Variants in MTERF1 observed in about 807,000 individuals in gnomAD.
The protein encoded by MTERF1 is transcription termination factor 1, mitochondrial.
Under a neutral mutation model 31.6 loss-of-function variants are expected in MTERF1, and 29 were observed. The ratio of observed to expected loss-of-function variants is 0.92; its 90% CI spans 0.68 to 1.25. The LOEUF (loss-of-function observed/expected upper bound fraction) is 1.25, where lower values mean the gene tolerates loss of function less well. Among genes scored for constraint, MTERF1 ranks in the 50% most tolerant of loss-of-function variants. The pLI is 0.00. For missense variants in MTERF1, 500 were observed against 469.1 expected, an observed-to-expected ratio of 1.07 and a Z score of -0.61; for synonymous variants, 152 against 164.1, an observed-to-expected ratio of 0.93 and a Z score of 0.57.
chr7:91,877,254 A>G lies in MTERF1; in HGVS notation c.30-2490T>C, dbSNP rs966950455. 2.0e-5 allele frequency among the ~76,000 whole-genome samples: 3 copies of G among 152,376 alleles called. No individual in the cohort carries two copies. In the East Asian group the frequency reaches 5.8e-4, roughly 29 times the overall value. ...TCATGGTAAACAGGCTGAATAAGCC[A>G]CAGAATGTTCAACAGAAATTCTATT... is the stretch of plus-strand genomic sequence containing the variant. On this transcript the variant is annotated intron_variant, in intron 2 of 2. Transcript: ENST00000351870.
rs1301022852 is a variant in MTERF1, at chr7:91,873,880, C to T, written c.914G>A (p.Cys305Tyr). Residue 305 changes from cysteine to tyrosine, a missense_variant, in exon 3 of 3, where the codon TGT becomes TAT. Transcript: ENST00000351870. ...AAACTTCTGTACCTCTTCTTCAGTA[C>T]ATCCAAGAGAAAACAGCTTCTCTTT... The part of the protein sequence containing the change: ...NIKEKLFSLG[C>Y]TEEEVQKFVL... 6.2e-6 allele frequency: 10 copies of T among 1,614,078 alleles called. No individual in the cohort carries two copies. The highest frequency in any genetic ancestry group is 8.5e-6 in the Non-Finnish European group (10 of 1,180,026).
intron 1 of MTERF1, 114 bp from the exon 2 acceptor site, chr7:91,880,227 C>A: frequency 1.3e-5 from 10 of 767,998 alleles, no homozygotes; most frequent in East Asian, 5.4e-5. Flanking sequence ...TCGTGAGATG[C>A]ATTACCTCTT....
rs1454069409 is a variant in MTERF1 at position 91,873,348 on chromosome 7, G to A, written c.*246C>T. 2 of 350,484 alleles carry A rather than the reference G, an allele frequency of 5.7e-6. No individual in the cohort carries two copies. Among genetic ancestry groups the A allele is most frequent in the African/African-American group, 4.3e-5 (2 of 47,056 alleles). 21.7% of individuals were successfully genotyped at this position (350,484 alleles called of 1,614,324 possible). A position where few individuals can be genotyped will look rare whatever the true frequency, so the allele number is the denominator to read the frequency against. The stretch of plus-strand genomic sequence containing the variant: ...GCTCAAGGTGTCTTCCTCCTTCAAA[G>A]CCACCTTTTAACTTCCTTCAAAAGT... On this transcript the variant is annotated 3_prime_UTR_variant, in exon 3 of 3. Coordinates refer to ENST00000351870, the MANE Select transcript of MTERF1 (RefSeq NM_006980.5).
At position 91,874,005 on chromosome 7, in the gene MTERF1, G is replaced by A. The variant is rs972977980; in HGVS notation, c.789C>T (p.Phe263=). 26 of 1,613,916 alleles carry A rather than the reference G, an allele frequency of 1.6e-5. No individual in the cohort carries two copies. Among genetic ancestry groups the A allele is most frequent in the Non-Finnish European group, 2.1e-5 (25 of 1,180,032 alleles). Residue 263 remains phenylalanine (F), a synonymous_variant, in exon 3 of 3, where the codon TTC becomes TTT. Transcript: ENST00000351870. ...CCAGCAGTTCCTCACTGTTCAAATT[G>A]AAAGTTGACCGTAAGAATTCAATGT... is the stretch of plus-strand genomic sequence containing the variant. ...KANIEFLRST[F]NLNSEELLVL... is the part of the protein sequence containing the mutation.
Position 91,874,592 on chromosome 7 carries a change from C to T in MTERF1, c.202G>A (p.Glu68Lys). 1 of 1,614,046 alleles carries T rather than the reference C, an allele frequency of 6.2e-7. No individual in the cohort carries two copies. Among genetic ancestry groups the T allele is most frequent in the South Asian group, 1.1e-5 (1 of 91,076 alleles). Reference sequence around the variant, plus strand: ...AGTAGGTCCTCATTTTTCAAAGGCTCACTGTCTGTATTATGACACTTCACA... The same window carrying T: ...AGTAGGTCCTCATTTTTCAAAGGCTTACTGTCTGTATTATGACACTTCACA... ...FGVKCHNTDSEPLKNEDLLKN... is the reference protein window; with the variant it reads ...FGVKCHNTDSKPLKNEDLLKN... Residue 68 changes from glutamate (E) to lysine (K), a missense_variant, in exon 3 of 3, where the codon GAG becomes AAG. Transcript: ENST00000351870.
In MTERF1 at chr7:91,873,861, C is replaced by T; in HGVS notation, c.933G>A (p.Gln311=). 1 of 1,614,122 alleles carries T rather than the reference C, an allele frequency of 6.2e-7. No homozygotes were observed. Among genetic ancestry groups the T allele is most frequent in the African/African-American group, 1.3e-5 (1 of 75,042 alleles). The change falls in exon 3 of 3, where the codon CAG becomes CAA. Residue 311 remains glutamine, a synonymous_variant. Coordinates refer to ENST00000351870, the MANE Select transcript of MTERF1 (RefSeq NM_006980.5). ...CATCTGGATAGCTTAAGACAAACTT[C>T]TGTACCTCTTCTTCAGTACATCCAA... The part of the protein sequence containing the change: ...FSLGCTEEEV[Q]KFVLSYPDVI...
At position 91,873,687 on chromosome 7, in the gene MTERF1, A is replaced by G. The variant is rs372355940; in HGVS notation, c.1107T>C (p.Ala369=). Residue 369 remains alanine, a synonymous_variant, in exon 3 of 3, where the codon GCT becomes GCC. Transcript: ENST00000351870. ...TGTTTAAAGTACTCAAGTTACAGCC[A>G]GCATTTACCAATTCTTTGATTCGAC... ...LKSRIKELVN[A]GCNLSTLNIT... The G allele has an allele frequency of 1.9e-6, 3 of 1,614,130 alleles. No homozygotes were observed. Among genetic ancestry groups the G allele is most frequent in the Non-Finnish European group, 2.5e-6 (3 of 1,180,000 alleles).
In MTERF1 at chr7:91,874,159, T is replaced by G; in HGVS notation, c.635A>C (p.Lys212Thr). 1 of 1,614,154 alleles carries G rather than the reference T, an allele frequency of 6.2e-7. No individual in the cohort carries two copies. Residue 212 changes from lysine (K) to threonine (T), a missense_variant, in exon 3 of 3, where the codon AAA becomes ACA. By Grantham distance (78) the Lys-to-Thr change is moderately conservative. Transcript: ENST00000351870. ...TGCCTGCAAAAATTCAACCATCTGT[T>G]TATTCAGATCAAGACTATTGGAGAA... is the stretch of plus-strand genomic sequence containing the variant. ...RTFSNSLDLN[K>T]QMVEFLQAAG...
Position 91,874,470 on chromosome 7 carries a change from C to G in MTERF1, c.324G>C (p.Lys108Asn), listed in dbSNP as rs749196036. The change falls in exon 3 of 3, where the codon AAG becomes AAC. Residue 108 changes from lysine to asparagine, a missense_variant. Transcript: ENST00000351870. The stretch of plus-strand genomic sequence containing the variant: ...TAGCTCCTTTGGAAAGAAGGAACAT[C>G]TTCAGGTCCTGCTCATTGGTAATCA... ...HRMITNEQDL[K>N]MFLLSKGASK... is the part of the protein sequence containing the mutation. 1.2e-6 allele frequency: 2 copies of G among 1,614,064 alleles called. No homozygotes were observed. The highest frequency in any genetic ancestry group is 1.7e-6 in the Non-Finnish European group (2 of 1,180,020).
chr7:91,874,556 G>A lies in MTERF1; in HGVS notation c.238C>T (p.Leu80Phe). 1 of 1,614,066 alleles carries A rather than the reference G, an allele frequency of 6.2e-7. No individual in the cohort carries two copies. Among genetic ancestry groups the A allele is most frequent in the Non-Finnish European group, 8.5e-7 (1 of 1,180,010 alleles). ...LKNEDLLKNL[L>F]TMGVDIDMAR... ...ATGTCAATATCTACTCCCATAGTAA[G>A]TAAGTTTTTCAGTAGGTCCTCATTT... Residue 80 changes from leucine to phenylalanine, a missense_variant, in exon 3 of 3, where the codon CTT becomes TTT. Transcript: ENST00000351870.
Position 91,876,458 on chromosome 7 carries a change from G to A in MTERF1, c.30-1694C>T, listed in dbSNP as rs1476879294. 2.6e-5 allele frequency among the ~76,000 whole-genome samples: 4 copies of A among 152,248 alleles called. No homozygotes were observed. In the East Asian group the frequency reaches 7.7e-4, roughly 29 times the overall value. On this transcript the variant is annotated intron_variant, in intron 2 of 2. Coordinates refer to ENST00000351870, the MANE Select transcript of MTERF1 (RefSeq NM_006980.5). ...AATTAAGCATAAAACAGAAAATAGA[G>A]ATAGATAATTCCAACCCACTACTAA...
rs773197455 is a variant in MTERF1, at chr7:91,874,390, G to A, written c.404C>T (p.Thr135Ile). The A allele has an allele frequency of 6.2e-7, 1 of 1,614,132 alleles. No individual in the cohort carries two copies. The highest frequency in any genetic ancestry group is 1.1e-5 in the South Asian group (1 of 91,058). Reference protein sequence around the residue: ...ISRYPRAITRTPENLSKRWDL... With the variant: ...ISRYPRAITRIPENLSKRWDL... Reference sequence around the variant, plus strand: ...CCACCGTTTTGAAAGATTCTCGGGAGTACGTGTTATTGCTCGTGGATATCT... The same window carrying A: ...CCACCGTTTTGAAAGATTCTCGGGAATACGTGTTATTGCTCGTGGATATCT... The change falls in exon 3 of 3, where the codon ACT (threonine) becomes ATT (isoleucine). Residue 135 changes from threonine to isoleucine, a missense_variant. Coordinates refer to ENST00000351870, the MANE Select transcript of MTERF1 (RefSeq NM_006980.5).
intron 1 of MTERF1, 105 bp from the exon 2 acceptor site, chr7:91,880,218 C>T (rs1349326673): frequency 3.4e-6 from 3 of 880,110 alleles, no homozygotes; most frequent in Non-Finnish European, 5.3e-6. Flanking sequence ...ATTATGTTCT[C>T]GTGAGATGCA....
In MTERF1 at chr7:91,871,168, C is replaced by T. The variant is rs1001315531; in HGVS notation, c.*2426G>A. 3 of 152,268 alleles carry T rather than the reference C, an allele frequency of 2.0e-5. No individual in the cohort carries two copies. Among genetic ancestry groups the T allele is most frequent in the Non-Finnish European group, 4.4e-5 (3 of 68,154 alleles). 9.4% of individuals were successfully genotyped at this position (152,268 alleles called of 1,614,324 possible). A position where few individuals can be genotyped will look rare whatever the true frequency, so the allele number is the denominator to read the frequency against. On this transcript the variant is annotated 3_prime_UTR_variant, in exon 3 of 3. Coordinates refer to ENST00000351870, the MANE Select transcript of MTERF1 (RefSeq NM_006980.5). The stretch of plus-strand genomic sequence containing the variant: ...AGTATGACATGTTAATTTTGCCTGA[C>T]AGGCATTATCTGTTTGTTTCTCCAA...
rs1429675659 is a variant in MTERF1, at chr7:91,874,216, A to G, written c.578T>C (p.Leu193Pro). The change falls in exon 3 of 3, where the codon CTT becomes CCT. Residue 193 changes from leucine (L) to proline (P), a missense_variant. Transcript: ENST00000351870. ...AGGGGCATTGGTCAACAATCGACAA[A>G]GGCATTTACGGGTCAATCCAACTGA... ...LYSVGLTRKCLCRLLTNAPRT... is the reference protein window; with the variant it reads ...LYSVGLTRKCPCRLLTNAPRT... 1.2e-6 allele frequency: 2 copies of G among 1,614,178 alleles called. No homozygotes were observed. Among genetic ancestry groups the G allele is most frequent in the Admixed American group, 3.3e-5 (2 of 60,014 alleles).
intron 2 of MTERF1, among the ~76,000 whole-genome samples, chr7:91,878,825 C>A (rs1215162496): frequency 6.6e-6 from 1 of 151,948 alleles, no homozygotes; most frequent in Non-Finnish European, 1.5e-5. Flanking sequence ...ACAGAGTGAG[C>A]CCATCTCAAA....
Position 91,874,489 on chromosome 7 carries a change from G to A in MTERF1, c.305C>T (p.Thr102Ile). ...RQPGVFHRMI[T>I]NEQDLKMFLL... ...GAACATCTTCAGGTCCTGCTCATTG[G>A]TAATCATCCTATGAAAAACTCCAGG... is the stretch of plus-strand genomic sequence containing the variant. Residue 102 changes from threonine (T) to isoleucine (I), a missense_variant, in exon 3 of 3, where the codon ACC becomes ATC. Transcript: ENST00000351870. 1.9e-6 allele frequency: 3 copies of A among 1,614,052 alleles called. No individual in the cohort carries two copies. The highest frequency in any genetic ancestry group is 8.5e-7 in the Non-Finnish European group (1 of 1,180,016).
Position 91,873,676 on chromosome 7 carries a change from A to C in MTERF1, c.1118T>G (p.Leu373Trp). Residue 373 changes from leucine to tryptophan, a missense_variant, in exon 3 of 3, where the codon TTG (leucine) becomes TGG (tryptophan). Physicochemically the swap from Leu to Trp is moderately conservative, Grantham distance 61. Transcript: ENST00000351870. ...IKELVNAGCN[L>W]STLNITLLSW... is the part of the protein sequence containing the mutation. The stretch of plus-strand genomic sequence containing the variant: ...TAGAAGAGTGATGTTTAAAGTACTC[A>C]AGTTACAGCCAGCATTTACCAATTC... 6.2e-7 allele frequency: 1 copy of C among 1,614,084 alleles called. No individual in the cohort carries two copies. Among genetic ancestry groups the C allele is most frequent in the East Asian group, 2.2e-5 (1 of 44,866 alleles).
intron 2 of MTERF1, chr7:91,876,822 G>A (rs751125572): frequency 4.7e-6 from 4 of 847,806 alleles, no homozygotes; most frequent in Non-Finnish European, 5.7e-6. Context: ...AAAAATGCAT[G>A]AATTTAGAAA....
Sources: gnomAD v4.1 joint callset for allele counts (sites outside exome capture counted in the v4.1 genomes callset) on GRCh38, gnomAD v4.1.1 for gene constraint, MANE v1.5 for transcripts, NCBI Gene and HGNC (gene_info 2026-07-23, HGNC 2026-07-21) for gene names.